The following CSGALNACT1 variants were observed in gnomAD, a reference collection of about 807,000 sequenced individuals.
The protein encoded by CSGALNACT1 is chondroitin sulfate N-acetylgalactosaminyltransferase 1.
CSGALNACT1 carries 52 observed loss-of-function variants against 51.0 expected under a neutral mutation model. That is an observed-to-expected ratio of 1.02 (90% confidence interval 0.82 to 1.29). The LOEUF is 1.29. Among genes scored for constraint, CSGALNACT1 ranks in the 50% most tolerant of loss-of-function variants. The pLI is 0.00. For missense variants in CSGALNACT1, 935 were observed against 679.2 expected (o/e 1.38, Z -4.19); for synonymous variants, 341 against 254.4 (o/e 1.34, Z -3.24).
chr8:19,744,108 A>G (rs2064492777), intron 1 of CSGALNACT1, among the ~76,000 whole-genome samples: 1 of 152,264 alleles, frequency 6.6e-6, no homozygotes. Context: ...TTTAACAAGT[A>G]TAATGGTGCA....
chr8:19,412,464 G>A (rs190127557), intron 8 of CSGALNACT1, among the ~76,000 whole-genome samples: 364 of 152,294 alleles, frequency 2.4e-3, no homozygotes, highest in African/African-American at 8.3e-3. Flanking sequence ...TAATGGTGCC[G>A]ACTTGGCCAC....
intron 1 of CSGALNACT1, among the ~76,000 whole-genome samples, chr8:19,718,270 T>A (rs563909753): frequency 6.6e-6 from 1 of 152,196 alleles, no homozygotes; most frequent in African/African-American, 2.4e-5. Context: ...ATTTTTGTAT[T>A]TTTGTATTTT....
At chr8:19,636,068 AG>A (rs1183043103) in intron 1 of CSGALNACT1, among the ~76,000 whole-genome samples, 1 of 152,202 alleles carries the variant, frequency 6.6e-6, no homozygotes, top group African/African-American at 2.4e-5. Context: ...ATTTTACGGT[AG>A]TATTCCCATT....
At position 19,555,381 on chromosome 8, in the gene CSGALNACT1, G is replaced by A. The variant is rs545445286; in HGVS notation, c.-297+35779C>T. On this transcript the variant is annotated intron_variant, in intron 3 of 9. Coordinates refer to ENST00000454498, the Ensembl canonical transcript of CSGALNACT1. ...CAGGAATGTTTGTTGTGATGCAGGC[G>A]AAGGAGGTAGAGTTTGAAGAAAGAA... 6.8e-4 allele frequency among the ~76,000 whole-genome samples: 104 copies of A among 152,268 alleles called. 1 individual carries two copies. In the South Asian group the frequency reaches 0.012, roughly 17 times the overall value.
At chr8:19,432,954 G>A (rs756557971) in intron 6 of CSGALNACT1, among the ~76,000 whole-genome samples, 9 of 151,642 alleles carry the variant, frequency 5.9e-5, no homozygotes, top group Admixed American at 1.3e-4. Context: ...TCTAATGACC[G>A]ATTTTTTTTT....
intron 6 of CSGALNACT1, among the ~76,000 whole-genome samples, chr8:19,431,265 G>A (rs890047152): frequency 2.6e-5 from 4 of 152,202 alleles, no homozygotes; most frequent in East Asian, 3.9e-4. Context: ...AGAACATTCA[G>A]TATTTCACCA....
intron 1 of CSGALNACT1, among the ~76,000 whole-genome samples, chr8:19,692,540 GA>G (rs1165117169): frequency 2.0e-5 from 3 of 152,186 alleles, no homozygotes; most frequent in Non-Finnish European, 2.9e-5. Flanking sequence ...CGAGTGACAG[GA>G]AGTGGGACAA....
intron 8 of CSGALNACT1, among the ~76,000 whole-genome samples, chr8:19,410,524 G>A (rs919464668): frequency 2.0e-5 from 3 of 152,140 alleles, no homozygotes; most frequent in African/African-American, 4.8e-5. Flanking sequence ...TTTCGCTGAG[G>A]ATCACATGGA....
intron 1 of CSGALNACT1, among the ~76,000 whole-genome samples, chr8:19,712,126 C>T (rs555283405): frequency 6.6e-6 from 1 of 152,102 alleles, no homozygotes. Context: ...CCCAGGTTCA[C>T]GGCATTCTCC....
intron 8 of CSGALNACT1, 81 bp downstream of exon 7, chr8:19,418,575 C>G (rs1182605034): frequency 3.3e-6 from 3 of 921,058 alleles, no homozygotes; most frequent in African/African-American, 1.6e-5. Flanking sequence ...TTCTACTCAC[C>G]TTTGCTCATG....
chr8:19,430,717 T>C (rs1428606099), intron 6 of CSGALNACT1, among the ~76,000 whole-genome samples: 2 of 152,174 alleles, frequency 1.3e-5, no homozygotes, highest in Non-Finnish European at 2.9e-5. Flanking sequence ...AATCAGCTTG[T>C]CCATATCTAC....
chr8:19,519,937 C>A (rs2975466), intron 3 of CSGALNACT1, among the ~76,000 whole-genome samples: 1 of 152,210 alleles, frequency 6.6e-6, no homozygotes, highest in Non-Finnish European at 1.5e-5. Context: ...GGAAGGATAT[C>A]TGGGAACATT....
intron 4 of CSGALNACT1, among the ~76,000 whole-genome samples, chr8:19,486,132 A>G (rs922771871): frequency 5.3e-4 from 80 of 151,912 alleles, no homozygotes; most frequent in Non-Finnish European, 7.1e-4. Flanking sequence ...TGGGAGAAAA[A>G]AAAAACAAAA....
rs542301240 is a variant in CSGALNACT1, at chr8:19,405,671, C to G, written c.*109G>C. On this transcript the variant is annotated 3_prime_UTR_variant, in exon 10 of 10. Coordinates refer to ENST00000454498, the Ensembl canonical transcript of CSGALNACT1. ...GGAGGCTTTCTCATCTCTGACCCAT[C>G]AGTCCAATTCTTTTGTCGTCCTTTA... The G allele has an allele frequency of 2.3e-5, 32 of 1,362,348 alleles. No individual in the cohort carries two copies. In the Admixed American group the frequency reaches 4.3e-4, roughly 18 times the overall value. 84.4% of individuals were successfully genotyped at this position (1,362,348 alleles called of 1,614,324 possible).
intron 3 of CSGALNACT1, among the ~76,000 whole-genome samples, chr8:19,515,786 C>G (rs1008217728): frequency 6.6e-6 from 1 of 152,068 alleles, no homozygotes; most frequent in Non-Finnish European, 1.5e-5. Context: ...AGAGGGGCTT[C>G]CTGTCTATGC....
chr8:19,701,040 C>T (rs974266233), intron 1 of CSGALNACT1, among the ~76,000 whole-genome samples: 3 of 151,898 alleles, frequency 2.0e-5, no homozygotes, highest in African/African-American at 7.3e-5. Flanking sequence ...CCTTTCTGAC[C>T]TTCCACCCTT....
At chr8:19,680,077 T>C (rs1450856658) in intron 1 of CSGALNACT1, among the ~76,000 whole-genome samples, 2 of 152,160 alleles carry the variant, frequency 1.3e-5, no homozygotes, top group African/African-American at 4.8e-5. Flanking sequence ...GGAAATATAC[T>C]TCCCCACAGG....
intron 3 of CSGALNACT1, among the ~76,000 whole-genome samples, chr8:19,507,790 G>C (rs986892513): frequency 5.9e-5 from 9 of 152,230 alleles, no homozygotes; most frequent in African/African-American, 2.2e-4. Flanking sequence ...ACCACCCCTG[G>C]CTAATGTTTT....
chr8:19,495,565 G>A (rs1322214882), intron 4 of CSGALNACT1, among the ~76,000 whole-genome samples: 1 of 152,170 alleles, frequency 6.6e-6, no homozygotes. Flanking sequence ...AAGACAGGGA[G>A]GAGGCTGGAG....
Sources: allele counts gnomAD v4.1 joint callset (sites outside exome capture counted in the v4.1 genomes callset), GRCh38; gene constraint gnomAD v4.1.1; transcripts MANE v1.5; gene names NCBI Gene and HGNC (gene_info 2026-07-23, HGNC 2026-07-21).